The following SPEF2 variants were observed in gnomAD, a reference collection of about 807,000 sequenced individuals.
SPEF2 encodes the protein sperm flagella and cilia-associated protein 2.
A neutral mutation model predicts 224.6 loss-of-function variants in SPEF2; 187 were observed. The observed-to-expected ratio is 0.83, with a 90% CI of 0.74 to 0.94. The LOEUF is 0.94. Ranked by LOEUF, SPEF2 falls within the 40% of genes least tolerant of loss-of-function variation. The pLI is 0.00. For missense variants in SPEF2, 2,170 were observed against 2,135.6 expected, an observed-to-expected ratio of 1.02 and a Z score of -0.32; for synonymous variants, 715 against 707.3, an observed-to-expected ratio of 1.01 and a Z score of -0.17.
intron 10 of SPEF2, among the ~76,000 whole-genome samples, chr5:35,680,494 T>G (rs1191870142): frequency 6.6e-6 from 1 of 152,202 alleles, no homozygotes; most frequent in African/African-American, 2.4e-5. Context: ...ATATTGAGCC[T>G]ATAGTATTGA....
intron 11 of SPEF2, among the ~76,000 whole-genome samples, chr5:35,691,474 A>T (rs1208430355): frequency 6.6e-6 from 1 of 152,244 alleles, no homozygotes; most frequent in Non-Finnish European, 1.5e-5. Context: ...CCTTCACAAC[A>T]TTATGCTAAG....
intron 19 of SPEF2, chr5:35,709,659 AG>A: frequency 1.2e-6 from 1 of 842,592 alleles, no homozygotes; most frequent in Non-Finnish European, 1.3e-6. Context: ...ATGGACACAG[AG>A]ATAAAGAGCC....
At chr5:35,720,662 G>A (rs1042969673) in intron 20 of SPEF2, among the ~76,000 whole-genome samples, 1 of 152,112 alleles carries the variant, frequency 6.6e-6, no homozygotes, top group Non-Finnish European at 1.5e-5. Flanking sequence ...ATGATTGATA[G>A]CATATACTTA....
rs111890759 is a variant in SPEF2 at position 35,726,499 on chromosome 5, A to T, written c.2915-1176A>T. The stretch of plus-strand genomic sequence containing the variant: ...TTATATAATTTAGATATAACTTCAG[A>T]TCTATAGATAATAGATACTGTTTTT... On this transcript the variant is annotated intron_variant, in intron 20 of 36. Coordinates refer to ENST00000356031, the MANE Select transcript of SPEF2 (RefSeq NM_024867.4). 2.1e-3 allele frequency among the ~76,000 whole-genome samples: 320 copies of T among 152,282 alleles called. 2 individuals are homozygous for T. The highest frequency in any genetic ancestry group is 7.5e-3 in the African/African-American group (312 of 41,574).
chr5:35,751,823 T>TAACCTGTCTG (rs546897680), intron 23 of SPEF2, among the ~76,000 whole-genome samples: 95 of 152,274 alleles, frequency 6.2e-4, no homozygotes, highest in African/African-American at 2.2e-3. Flanking sequence ...GCAAGAAACT[T>TAACCTGTCTG]AACCTGTCTG....
chr5:35,690,160 A>G (rs961308938), intron 10 of SPEF2, among the ~76,000 whole-genome samples: 1 of 152,156 alleles, frequency 6.6e-6, no homozygotes, highest in Non-Finnish European at 1.5e-5. Flanking sequence ...TAATAATCAA[A>G]TCAGGGTAAT....
At chr5:35,644,073 T>C (rs1746997719) in intron 3 of SPEF2, among the ~76,000 whole-genome samples, 3 of 152,176 alleles carry the variant, frequency 2.0e-5, no homozygotes, top group African/African-American at 7.2e-5. Context: ...TTTCCAAGAA[T>C]ATAAATACCA....
At chr5:35,701,022 G>GT (rs904802678) in intron 16 of SPEF2, among the ~76,000 whole-genome samples, 2 of 152,094 alleles carry the variant, frequency 1.3e-5, no homozygotes, top group African/African-American at 4.8e-5. Flanking sequence ...GCATTGGGGT[G>GT]TTTTTTTGAG....
chr5:35,730,984 T>C (rs1240866259), intron 21 of SPEF2, among the ~76,000 whole-genome samples: 1 of 152,092 alleles, frequency 6.6e-6, no homozygotes, highest in Non-Finnish European at 1.5e-5. Flanking sequence ...GAGAAAATTA[T>C]GAAAGGATAG....
intron 2 of SPEF2, among the ~76,000 whole-genome samples, chr5:35,634,876 G>GT (rs1023834215): frequency 2.0e-4 from 30 of 151,010 alleles, no homozygotes; most frequent in African/African-American, 5.8e-4. Context: ...TGCCATTTAG[G>GT]TTTTTTTTTA....
chr5:35,790,129 C>A, intron 30 of SPEF2: 2 of 702,948 alleles, frequency 2.8e-6, no homozygotes. Flanking sequence ...ACCCTTCCTG[C>A]AAGTTCAGCT....
intron 26 of SPEF2, among the ~76,000 whole-genome samples, chr5:35,770,022 T>C (rs1478141947): frequency 1.6e-5 from 2 of 126,228 alleles, no homozygotes; most frequent in East Asian, 2.3e-4. Context: ...TGTGTGTGTG[T>C]GCATGTGCGT....
chr5:35,670,109 C>G lies in SPEF2; in HGVS notation c.1406C>G (p.Ala469Gly), dbSNP rs1751033077. 1 of 1,609,970 alleles carries G rather than the reference C, an allele frequency of 6.2e-7. No homozygotes were observed. Among genetic ancestry groups the G allele is most frequent in the South Asian group, 1.1e-5 (1 of 90,158 alleles). ...MHDWKELFFN[A>G]KPIYEQASVK... Reference sequence around the variant, plus strand: ...GATTGGAAGGAACTATTTTTTAATGCAAAACCCATATATGAACAAGCCTCT... The same window carrying G: ...GATTGGAAGGAACTATTTTTTAATGGAAAACCCATATATGAACAAGCCTCT... The change falls in exon 10 of 37, where the codon GCA becomes GGA. Residue 469 changes from alanine to glycine, a missense_variant. By Grantham distance (60) the Ala-to-Gly change is moderately conservative. Coordinates refer to ENST00000356031, the MANE Select transcript of SPEF2 (RefSeq NM_024867.4).
chr5:35,675,928 A>T (rs1466483007), intron 10 of SPEF2: 1 of 456,166 alleles, frequency 2.2e-6, no homozygotes, highest in Non-Finnish European at 4.4e-6. Flanking sequence ...GAATAGCAGG[A>T]ATAGAAGATG....
intron 29 of SPEF2, among the ~76,000 whole-genome samples, chr5:35,778,054 T>C (rs1429877588): frequency 6.6e-6 from 1 of 152,044 alleles, no homozygotes; most frequent in Non-Finnish European, 1.5e-5. Context: ...CATTCTGGAG[T>C]TGAATTCTAG....
chr5:35,769,378 A>T (rs1752487178), intron 26 of SPEF2, among the ~76,000 whole-genome samples: 1 of 151,912 alleles, frequency 6.6e-6, no homozygotes, highest in African/African-American at 2.4e-5. Context: ...GGCATCTGAT[A>T]AAAAAAAGAA....
chr5:35,770,882 G>A (rs761929896), intron 26 of SPEF2, among the ~76,000 whole-genome samples: 2 of 117,242 alleles, frequency 1.7e-5, no homozygotes, highest in Non-Finnish European at 3.3e-5. Flanking sequence ...GAAGCTGAAA[G>A]TCAGCCCAGC....
chr5:35,647,435 A>G (rs1400383903), intron 5 of SPEF2, among the ~76,000 whole-genome samples: 1 of 152,102 alleles, frequency 6.6e-6, no homozygotes, highest in Non-Finnish European at 1.5e-5. Flanking sequence ...GAATCAATCT[A>G]TTCATGAGGG....
chr5:35,701,295 AAG>A (rs1276131017), intron 16 of SPEF2, among the ~76,000 whole-genome samples: 1 of 152,194 alleles, frequency 6.6e-6, no homozygotes, highest in Non-Finnish European at 1.5e-5. Flanking sequence ...TTATGGGTAA[AAG>A]CACTTATTCT....
Sources: gnomAD v4.1 joint callset for allele counts (sites outside exome capture counted in the v4.1 genomes callset) on GRCh38, gnomAD v4.1.1 for gene constraint, MANE v1.5 for transcripts, NCBI Gene and HGNC (gene_info 2026-07-23, HGNC 2026-07-21) for gene names.